The following PRKN variants were observed in gnomAD, a reference collection of about 807,000 sequenced individuals.
PRKN encodes E3 ubiquitin-protein ligase parkin.
Under a neutral mutation model 59.5 loss-of-function variants are expected in PRKN, and 56 were observed. The ratio of observed to expected loss-of-function variants is 0.94; its 90% CI spans 0.76 to 1.18. PRKN has a LOEUF of 1.18. Among genes scored for constraint, PRKN ranks in the 50% most tolerant of loss-of-function variants. PRKN has a pLI of 0.00. For synonymous variants in PRKN, 250 were observed against 222.1 expected (o/e 1.13, Z -1.12); for missense variants, 657 against 596.4 (o/e 1.10, Z -1.06).
chr6:161,649,577 AC>A, intron 7 of PRKN, among the ~76,000 whole-genome samples: 1 of 152,244 alleles, frequency 6.6e-6, no homozygotes, highest in East Asian at 1.9e-4. Flanking sequence ...TAGTTCATGG[AC>A]CTATTTCCTA....
At chr6:162,562,867 G>A (rs1029352049) in intron 1 of PRKN, among the ~76,000 whole-genome samples, 1 of 152,194 alleles carries the variant, frequency 6.6e-6, no homozygotes, top group African/African-American at 2.4e-5. Flanking sequence ...GTTACAGCAG[G>A]ACTTGGGTGA....
At chr6:161,657,824 G>C (rs1784403953) in intron 7 of PRKN, among the ~76,000 whole-genome samples, 1 of 151,968 alleles carries the variant, frequency 6.6e-6, no homozygotes, top group Admixed American at 6.6e-5. Flanking sequence ...CCAGGAGTTG[G>C]AGACGGGCAT....
rs1164038624 is a variant in PRKN, at chr6:161,526,229, C to G, written c.1083+22625G>C. The stretch of plus-strand genomic sequence containing the variant: ...GCTGGAAAAAGATGTGCATAACTGG[C>G]TCCTGTGAACCTGGTACAGCTGGCT... On this transcript the variant is annotated intron_variant, in intron 9 of 11. Coordinates refer to ENST00000366898, the MANE Select transcript of PRKN (RefSeq NM_004562.3). The surrounding 1 kb of genome is among the most constrained non-coding windows in gnomAD (Gnocchi z 4.1). Among the ~76,000 whole-genome samples the G allele has an allele frequency of 6.6e-6, 1 of 152,196 alleles. No individual in the cohort carries two copies. Among genetic ancestry groups the G allele is most frequent in the African/African-American group, 2.4e-5 (1 of 41,462 alleles).
At chr6:162,223,008 CT>C (rs1778001537) in intron 3 of PRKN, among the ~76,000 whole-genome samples, 1 of 130,128 alleles carries the variant, frequency 7.7e-6, no homozygotes, top group Non-Finnish European at 1.6e-5. Flanking sequence ...TCCCTCCCCC[CT>C]CCCCCCACCG....
At chr6:162,264,679 T>C in intron 2 of PRKN, 1 of 152,462 alleles carries the variant, frequency 6.6e-6, no homozygotes, top group Non-Finnish European at 1.5e-5. Flanking sequence ...GGACTGCTCC[T>C]ACTCAGCAGA....
At chr6:161,898,693 G>C (rs1041564104) in intron 6 of PRKN, among the ~76,000 whole-genome samples, 4 of 152,152 alleles carry the variant, frequency 2.6e-5, no homozygotes, top group African/African-American at 9.7e-5. Flanking sequence ...AGAGTGATAG[G>C]TGGCAAGTTT....
intron 1 of PRKN, among the ~76,000 whole-genome samples, chr6:162,496,732 T>C (rs1793080342): frequency 6.6e-6 from 1 of 152,194 alleles, no homozygotes; most frequent in Admixed American, 6.5e-5. Context: ...GTGACAAAGC[T>C]GTAGAGAAGA....
chr6:161,767,838 G>C (rs1321713008), intron 7 of PRKN, among the ~76,000 whole-genome samples: 1 of 152,154 alleles, frequency 6.6e-6, no homozygotes, highest in Non-Finnish European at 1.5e-5. Context: ...AGGGGAGGTA[G>C]CAGCCCCTCA....
rs1779883873 is a variant in PRKN at position 161,548,758 on chromosome 6, G to A, written c.1083+96C>T. ...AGTTCAAAGATGTCTAAGTCCAAAGGGAAAATGAAAATAAAATAAAAATAT... is the reference window on the plus strand; with the variant it reads ...AGTTCAAAGATGTCTAAGTCCAAAGAGAAAATGAAAATAAAATAAAAATAT... On this transcript the variant is annotated intron_variant, in intron 9 of 11. Coordinates refer to ENST00000366898, the MANE Select transcript of PRKN (RefSeq NM_004562.3). The surrounding 1 kb of genome is among the most constrained non-coding windows in gnomAD (Gnocchi z 4.2). The A allele has an allele frequency of 2.5e-6, 3 of 1,189,464 alleles. No individual in the cohort carries two copies. The highest frequency in any genetic ancestry group is 2.8e-4 in the Middle Eastern group (1 of 3,512). 73.7% of individuals were successfully genotyped at this position (1,189,464 alleles called of 1,614,324 possible).
chr6:162,146,242 T>C (rs1435087251), intron 4 of PRKN, among the ~76,000 whole-genome samples: 1 of 152,132 alleles, frequency 6.6e-6, no homozygotes, highest in East Asian at 1.9e-4. Context: ...GTCTGGCCCA[T>C]GACGATGTCA....
intron 5 of PRKN, among the ~76,000 whole-genome samples, chr6:161,977,674 G>T (rs1279206682): frequency 6.7e-6 from 1 of 149,504 alleles, no homozygotes; most frequent in African/African-American, 2.5e-5. Flanking sequence ...AGCCTCCCAA[G>T]TAGCTGGGAC....
intron 4 of PRKN, among the ~76,000 whole-genome samples, chr6:162,165,657 T>C (rs1277986372): frequency 1.3e-5 from 2 of 149,310 alleles, no homozygotes; most frequent in East Asian, 3.9e-4. Flanking sequence ...GTAATGCTCA[T>C]GAAGAGTCAG....
intron 4 of PRKN, among the ~76,000 whole-genome samples, chr6:162,109,763 C>A (rs1032971592): frequency 2.0e-5 from 3 of 152,212 alleles, no homozygotes; most frequent in Non-Finnish European, 4.4e-5. Context: ...CCAATGAGCA[C>A]TTATACAAAG....
At chr6:162,076,748 C>T (rs1191649804) in intron 4 of PRKN, among the ~76,000 whole-genome samples, 13 of 152,074 alleles carry the variant, frequency 8.5e-5, no homozygotes, top group South Asian at 4.1e-4. Context: ...CCTTTTAGAT[C>T]GATGTTTTTG....
chr6:161,762,889 C>T (rs757001440), intron 7 of PRKN, among the ~76,000 whole-genome samples: 49 of 152,076 alleles, frequency 3.2e-4, no homozygotes, highest in Admixed American at 5.9e-4. Context: ...TAGAAAGGAT[C>T]TGAGACAATT....
At chr6:162,266,251 C>T (rs1397521956) in intron 2 of PRKN, among the ~76,000 whole-genome samples, 1 of 151,704 alleles carries the variant, frequency 6.6e-6, no homozygotes, top group East Asian at 1.9e-4. Context: ...GCTTACTGTG[C>T]TCTTCTTATT....
At chr6:161,840,994 G>A (rs141196902) in intron 6 of PRKN, among the ~76,000 whole-genome samples, 17 of 152,320 alleles carry the variant, frequency 1.1e-4, no homozygotes, top group Admixed American at 9.2e-4. Flanking sequence ...TTCAGCCACT[G>A]TGGAAGACAG....
At chr6:161,677,902 T>C (rs1415405024) in intron 7 of PRKN, among the ~76,000 whole-genome samples, 1 of 152,142 alleles carries the variant, frequency 6.6e-6, no homozygotes, top group African/African-American at 2.4e-5. Context: ...AACCAGCTAC[T>C]CATGGACTCA....
chr6:162,270,156 G>A (rs992493948), intron 2 of PRKN: 12 of 152,162 alleles, frequency 7.9e-5, no homozygotes, highest in Admixed American at 6.5e-5. Flanking sequence ...TAAAGAAATC[G>A]TGGTATATGA....
Sources: allele counts gnomAD v4.1 joint callset (sites outside exome capture counted in the v4.1 genomes callset), GRCh38; gene constraint gnomAD v4.1.1; non-coding constraint Gnocchi (gnomAD v3.1); transcripts MANE v1.5; gene names NCBI Gene and HGNC (gene_info 2026-07-23, HGNC 2026-07-21).